GNG7: variants seen among roughly 807,000 people sequenced by gnomAD.
GNG7 encodes guanine nucleotide-binding protein G(I)/G(S)/G(O) subunit gamma-7.
GNG7 carries 1 observed loss-of-function variant against 4.0 expected under a neutral mutation model. The observed-to-expected ratio is 0.25, with a 90% confidence interval of 0.09 to 1.18. GNG7 has a LOEUF of 1.18. GNG7 is among the 50% of genes most tolerant of loss of function. The pLI, the probability that GNG7 is intolerant of heterozygous loss-of-function variation, is 0.50. For missense variants in GNG7, 86 were observed against 91.9 expected (o/e 0.94, Z 0.26); for synonymous variants, 34 against 36.9 (o/e 0.92, Z 0.29).
At chr19:2,593,741 C>CT (rs1289769449) in intron 2 of GNG7, among the ~76,000 whole-genome samples, 3 of 141,144 alleles carry the variant, frequency 2.1e-5, no homozygotes, top group Non-Finnish European at 3.0e-5. Flanking sequence ...GAGACTCCAT[C>CT]TAAAAAAAAA....
intron 2 of GNG7, among the ~76,000 whole-genome samples, chr19:2,627,477 C>G (rs1036964924): frequency 6.6e-6 from 1 of 152,250 alleles, no homozygotes; most frequent in Non-Finnish European, 1.5e-5. Context: ...CTGGCCCTGG[C>G]TCCCTTCAGA....
At chr19:2,581,808 G>A (rs995687522) in intron 2 of GNG7, among the ~76,000 whole-genome samples, 2 of 152,336 alleles carry the variant, frequency 1.3e-5, no homozygotes, top group South Asian at 2.1e-4. Flanking sequence ...AAATATCAAG[G>A]TTTCACAAGG....
intron 1 of GNG7, among the ~76,000 whole-genome samples, chr19:2,683,948 C>T (rs1455417744): frequency 6.6e-6 from 1 of 152,100 alleles, no homozygotes; most frequent in African/African-American, 2.4e-5. Flanking sequence ...CCCCAGGGGG[C>T]CGAGCTGCAA....
intron 1 of GNG7, among the ~76,000 whole-genome samples, chr19:2,686,428 G>C (rs1983872856): frequency 6.6e-6 from 1 of 152,144 alleles, no homozygotes; most frequent in Admixed American, 6.5e-5. Context: ...AAAGTGCTGG[G>C]ATTATAGGCG....
intron 2 of GNG7, among the ~76,000 whole-genome samples, chr19:2,629,520 C>G (rs1180185982): frequency 1.3e-5 from 2 of 152,126 alleles, no homozygotes; most frequent in Non-Finnish European, 2.9e-5. Flanking sequence ...TGCTAGGAGC[C>G]CCAGAACACA....
intron 1 of GNG7, among the ~76,000 whole-genome samples, chr19:2,686,291 G>A (rs1454186836): frequency 1.3e-5 from 2 of 152,058 alleles, no homozygotes; most frequent in Non-Finnish European, 2.9e-5. Context: ...CCGAGTAGCT[G>A]GGATTACAGG....
chr19:2,553,886 A>G (rs907668447), intron 3 of GNG7, among the ~76,000 whole-genome samples: 1 of 147,534 alleles, frequency 6.8e-6, no homozygotes, highest in Admixed American at 6.8e-5. Flanking sequence ...ACATGTACAT[A>G]TTCTATGTAA....
chr19:2,699,538 C>A lies in GNG7; in HGVS notation c.-135+3108G>T, dbSNP rs138152302. On this transcript the variant is annotated intron_variant, in intron 1 of 4. Transcript: ENST00000382159. Reference sequence around the variant, plus strand: ...CAGCACTAAATGACTTAAAAGCAATCCTCAATTCTGAATGACCCCACTTCC... The same window carrying A: ...CAGCACTAAATGACTTAAAAGCAATACTCAATTCTGAATGACCCCACTTCC... Among the ~76,000 whole-genome samples the A allele has an allele frequency of 5.3e-5, 8 of 152,308 alleles. No individual in the cohort carries two copies. The East Asian group carries it at 1.2e-3, about 22-fold the overall frequency.
Position 2,669,634 on chromosome 19 carries a change from C to T in GNG7, c.-134-23354G>A, listed in dbSNP as rs560679975. On this transcript the variant is annotated intron_variant, in intron 1 of 4. Transcript: ENST00000382159. ...TACTATCTAGGGCACTTTCCAACATCAACAGCAGAGTTGAGTGCCTGCAAC... is the reference window on the plus strand; with the variant it reads ...TACTATCTAGGGCACTTTCCAACATTAACAGCAGAGTTGAGTGCCTGCAAC... Among the ~76,000 whole-genome samples the T allele has an allele frequency of 3.9e-5, 6 of 152,336 alleles. No individual in the cohort carries two copies. In the East Asian group the frequency reaches 9.6e-4, roughly 24 times the overall value.
At chr19:2,536,669 G>A (rs1978746914) in intron 3 of GNG7, among the ~76,000 whole-genome samples, 1 of 152,154 alleles carries the variant, frequency 6.6e-6, no homozygotes, top group Non-Finnish European at 1.5e-5. Context: ...CGACAGGGAG[G>A]ACTTTCTTGG....
In GNG7 at chr19:2,557,017, ACACACACG is replaced by A. The variant is rs1168533357; in HGVS notation, c.-77-1837_-77-1830del. Among the ~76,000 whole-genome samples, 1 of 101,482 alleles carries A rather than the reference ACACACACG, an allele frequency of 9.9e-6. No individual in the cohort carries two copies. The highest frequency in any genetic ancestry group is 2.1e-5 in the Non-Finnish European group (1 of 46,720). The allele number at this position is 101,482 out of a possible 152,430, so 66.6% of individuals were successfully genotyped here. A position where few individuals can be genotyped will look rare whatever the true frequency, so the allele number is the denominator to read the frequency against. ...GCTGCCTCCCCTCCCACCTCTACAC[ACACACACG>A]CACACACAGACACACGCACACTCAC... is the stretch of plus-strand genomic sequence containing the variant. On this transcript the variant is annotated intron_variant, in intron 2 of 4. Coordinates refer to ENST00000382159, the MANE Select transcript of GNG7 (RefSeq NM_052847.3). The surrounding 1 kb of genome is among the most constrained non-coding windows in gnomAD (Gnocchi z 5.1).
rs989832851 is a variant in GNG7, at chr19:2,522,056, GA to G, written c.-37-1332del. Among the ~76,000 whole-genome samples the G allele has an allele frequency of 3.4e-4, 51 of 152,120 alleles. 1 individual carries two copies. The highest frequency in any genetic ancestry group is 6.2e-4 in the Non-Finnish European group (42 of 68,030). On this transcript the variant is annotated intron_variant, in intron 3 of 4. Coordinates refer to ENST00000382159, the MANE Select transcript of GNG7 (RefSeq NM_052847.3). ...GTGGAATCCCCAGATCTCATCTGGG[GA>G]TGACTCTGCCCTCCATGGAGCACTG...
rs1170074823 is a variant in GNG7 at position 2,519,597 on chromosome 19, A to ATTTTTTT, written c.81+1004_81+1010dup. 6.4e-5 allele frequency among the ~76,000 whole-genome samples: 9 copies of ATTTTTTT among 140,650 alleles called. 1 individual carries two copies. Among genetic ancestry groups the ATTTTTTT allele is most frequent in the East Asian group, 4.2e-4 (2 of 4,794 alleles). The allele number at this position is 140,650 out of a possible 152,430, so 92.3% of individuals were successfully genotyped here. A position where few individuals can be genotyped will look rare whatever the true frequency, so the allele number is the denominator to read the frequency against. ...TGAGCCACTGTGCCTCACATGCAAA[A>ATTTTTTT]TTTTTTTTTTTTTTTTGATGTGATT... On this transcript the variant is annotated intron_variant, in intron 4 of 4. Coordinates refer to ENST00000382159, the MANE Select transcript of GNG7 (RefSeq NM_052847.3).
At position 2,614,829 on chromosome 19, in the gene GNG7, G is replaced by A. The variant is rs75023122; in HGVS notation, c.-78+31395C>T. On this transcript the variant is annotated intron_variant, in intron 2 of 4. Transcript: ENST00000382159. The surrounding 1 kb of genome is among the most constrained non-coding windows in gnomAD (Gnocchi z 6.0). Reference sequence around the variant, plus strand: ...GAGCGGAATTGCTGGGTCATGTGGCGACTCCGCGTTCAGCCTTTTGAGGAA... The same window carrying A: ...GAGCGGAATTGCTGGGTCATGTGGCAACTCCGCGTTCAGCCTTTTGAGGAA... Among the ~76,000 whole-genome samples the A allele has an allele frequency of 0.04, 6,082 of 152,260 alleles. 179 individuals carry two copies. Among genetic ancestry groups the A allele is most frequent in the Non-Finnish European group, 0.058 (3,956 of 68,010 alleles).
rs186129467 is a variant in GNG7, at chr19:2,651,432, C to A, written c.-134-5152G>T. ...TCCTTCCCTCCTTCCTTTCTTCCTC[C>A]CTCCCTCCTGCCTTCCTTTCCTCCC... On this transcript the variant is annotated intron_variant, in intron 1 of 4. Transcript: ENST00000382159. 3.5e-3 allele frequency among the ~76,000 whole-genome samples: 497 copies of A among 140,414 alleles called. 1 individual carries two copies. The highest frequency in any genetic ancestry group is 0.012 in the African/African-American group (461 of 37,482). The allele number at this position is 140,414 out of a possible 152,430, so 92.1% of individuals were successfully genotyped here. A position where few individuals can be genotyped will look rare whatever the true frequency, so the allele number is the denominator to read the frequency against.
chr19:2,553,861 T>C (rs1979453002), intron 3 of GNG7, among the ~76,000 whole-genome samples: 2 of 138,694 alleles, frequency 1.4e-5, no homozygotes, highest in African/African-American at 2.7e-5. Context: ...GTACATATTA[T>C]ATGTAACATT....
intron 1 of GNG7, among the ~76,000 whole-genome samples, chr19:2,676,925 T>C (rs1372177395): frequency 6.6e-6 from 1 of 152,108 alleles, no homozygotes; most frequent in East Asian, 1.9e-4. Context: ...GATCTGCACA[T>C]TCCCTCCCTG....
rs62123722 is a variant in GNG7 at position 2,611,976 on chromosome 19, C to T, written c.-78+34248G>A. 0.048 allele frequency: 7,338 copies of T among 151,862 alleles called. 238 individuals are homozygous for T. The highest frequency in any genetic ancestry group is 0.074 in the South Asian group (358 of 4,816). The allele number at this position is 151,862 out of a possible 1,614,324, so 9.4% of individuals were successfully genotyped here. A position where few individuals can be genotyped will look rare whatever the true frequency, so the allele number is the denominator to read the frequency against. ...GCAACCTCCGCCTCCCGAGTTTAAG[C>T]GATTCTCCTGCTTCAGCCTCCCCAA... On this transcript the variant is annotated intron_variant, in intron 2 of 4. Transcript: ENST00000382159. This position sits in a 1 kb window ranked among gnomAD's most constrained non-coding sequence, Gnocchi z 6.0.
In GNG7 at chr19:2,659,931, G is replaced by A. The variant is rs537108848; in HGVS notation, c.-134-13651C>T. ...TCAGTCTTGGCCAAATGGATTTTCTGCTTTCCCCCGAGCCCCTGTGAGTAT... is the reference window on the plus strand; with the variant it reads ...TCAGTCTTGGCCAAATGGATTTTCTACTTTCCCCCGAGCCCCTGTGAGTAT... On this transcript the variant is annotated intron_variant, in intron 1 of 4. Transcript: ENST00000382159. 9.9e-5 allele frequency among the ~76,000 whole-genome samples: 15 copies of A among 152,178 alleles called. No individual in the cohort carries two copies. The South Asian group carries it at 3.1e-3, about 32-fold the overall frequency.
Sources: allele counts gnomAD v4.1 joint callset (sites outside exome capture counted in the v4.1 genomes callset), GRCh38; gene constraint gnomAD v4.1.1; non-coding constraint Gnocchi (gnomAD v3.1); transcripts MANE v1.5; gene names NCBI Gene and HGNC (gene_info 2026-07-23, HGNC 2026-07-21).